Variants in HIVEP1 observed in about 807,000 individuals in gnomAD.
HIVEP1 encodes the protein zinc finger protein 40.
In HIVEP1, 36 loss-of-function variants were observed where a neutral mutation model predicts 180.0. The observed-to-expected ratio is 0.20, with a 90% CI of 0.15 to 0.26. The LOEUF (loss-of-function observed/expected upper bound fraction) is 0.26, where lower values mean the gene tolerates loss of function less well. Ranked by LOEUF, HIVEP1 falls within the 10% of genes least tolerant of loss-of-function variation. The pLI is 1.00. For synonymous variants in HIVEP1, 1,239 were observed against 1,239.0 expected (o/e 1.00, Z 0.00); for missense variants, 3,143 against 3,268.7 (o/e 0.96, Z 0.94).
Position 12,124,433 on chromosome 6 carries a change from A to T in HIVEP1, c.4638A>T (p.Leu1546Phe), listed in dbSNP as rs752198843. The change falls in exon 4 of 9, where the codon TTA becomes TTT. Residue 1546 changes from leucine (L) to phenylalanine (F), a missense_variant. Leu to Phe is a conservative substitution (Grantham distance 22). Coordinates refer to ENST00000379388, the MANE Select transcript of HIVEP1 (RefSeq NM_002114.4). ...QGSKPDKNSVLSGSSKSEDCF... is the reference protein window; with the variant it reads ...QGSKPDKNSVFSGSSKSEDCF... The stretch of plus-strand genomic sequence containing the variant: ...GCAAGCCAGATAAAAATTCTGTTTT[A>T]TCTGGGTCTTCTAAAAGTGAGGATT... 3 of 1,614,048 alleles carry T rather than the reference A, an allele frequency of 1.9e-6. No homozygotes were observed. In the African/African-American group the frequency reaches 4.0e-5, roughly 22 times the overall value.
At chr6:12,209,531 G>A in the HIVEP1 span, among the ~76,000 whole-genome samples, 1 of 152,196 alleles carries the variant, frequency 6.6e-6, no homozygotes, top group South Asian at 2.1e-4. Context: ...TAGAATGTAA[G>A]CTCCATGAAG....
At chr6:12,091,625 T>C (rs886667707) in intron 3 of HIVEP1, among the ~76,000 whole-genome samples, 2 of 152,178 alleles carry the variant, frequency 1.3e-5, no homozygotes, top group African/African-American at 4.8e-5. Flanking sequence ...AGAAACTGAC[T>C]TTGCCTATCA....
chr6:12,079,074 C>G (rs570762582), intron 2 of HIVEP1, among the ~76,000 whole-genome samples: 2 of 152,118 alleles, frequency 1.3e-5, no homozygotes, highest in Non-Finnish European at 2.9e-5. Context: ...ATGACTACCT[C>G]CTTCCATTCG....
At chr6:12,045,966 A>T (rs912918523) in intron 2 of HIVEP1, among the ~76,000 whole-genome samples, 1 of 152,132 alleles carries the variant, frequency 6.6e-6, no homozygotes, top group Admixed American at 6.6e-5. Context: ...AATACTTGAA[A>T]TTTTTTTGTG....
At chr6:12,030,499 T>C (rs915086896) in intron 2 of HIVEP1, among the ~76,000 whole-genome samples, 1 of 152,210 alleles carries the variant, frequency 6.6e-6, no homozygotes, top group African/African-American at 2.4e-5. Context: ...ATACTTTTCA[T>C]TGAGCTATCT....
chr6:12,079,397 T>C (rs1265195266), intron 2 of HIVEP1, among the ~76,000 whole-genome samples: 1 of 152,188 alleles, frequency 6.6e-6, no homozygotes, highest in Middle Eastern at 3.2e-3. Flanking sequence ...CTTTGGATTT[T>C]AGAGGTATAA....
chr6:12,117,676 A>G (rs958907161), intron 3 of HIVEP1, among the ~76,000 whole-genome samples: 3 of 152,254 alleles, frequency 2.0e-5, no homozygotes, highest in African/African-American at 7.2e-5. Flanking sequence ...AGAGCAAAAC[A>G]GGCATACCTA....
chr6:12,186,035 A>T, the HIVEP1 span, among the ~76,000 whole-genome samples: 5 of 152,192 alleles, frequency 3.3e-5, no homozygotes, highest in Non-Finnish European at 7.3e-5. Flanking sequence ...GCAAGTAAAA[A>T]TCTAAATGTT....
chr6:12,008,000 T>C (rs1767096723), upstream of HIVEP1: 1 of 152,068 alleles, frequency 6.6e-6, no homozygotes, highest in African/African-American at 2.4e-5. Flanking sequence ...GTAAGGCTGA[T>C]TGCTAGACAC....
the HIVEP1 span, among the ~76,000 whole-genome samples, chr6:12,177,815 G>A: frequency 1.3e-5 from 2 of 152,018 alleles, no homozygotes; most frequent in African/African-American, 2.4e-5. Flanking sequence ...TATGTCTCCC[G>A]TGTCAGTATT....
chr6:12,178,295 T>C, the HIVEP1 span, among the ~76,000 whole-genome samples: 1 of 152,236 alleles, frequency 6.6e-6, no homozygotes, highest in Non-Finnish European at 1.5e-5. Flanking sequence ...ATGTTCAAAC[T>C]GTGAGAATAA....
At chr6:12,188,721 T>C in the HIVEP1 span, among the ~76,000 whole-genome samples, 1 of 152,024 alleles carries the variant, frequency 6.6e-6, no homozygotes, top group Non-Finnish European at 1.5e-5. Flanking sequence ...TAGAATGGTA[T>C]GCCTTATTCC....
the HIVEP1 span, among the ~76,000 whole-genome samples, chr6:12,184,284 C>T: frequency 1.3e-5 from 2 of 152,096 alleles, no homozygotes; most frequent in African/African-American, 2.4e-5. Flanking sequence ...ATTTTGTACT[C>T]GGATCTGGAA....
chr6:12,029,905 A>G (rs1442089111), intron 2 of HIVEP1, among the ~76,000 whole-genome samples: 4 of 152,198 alleles, frequency 2.6e-5, no homozygotes, highest in South Asian at 2.1e-4. Context: ...CTCTTCTTCT[A>G]TGGATTCAGG....
At chr6:12,174,845 C>T in the HIVEP1 span, among the ~76,000 whole-genome samples, 5 of 151,942 alleles carry the variant, frequency 3.3e-5, no homozygotes, top group South Asian at 2.1e-4. Flanking sequence ...CTCTTCAGCA[C>T]GTAGAATACA....
chr6:12,157,709 A>G (rs1260978521), intron 7 of HIVEP1, among the ~76,000 whole-genome samples: 1 of 152,052 alleles, frequency 6.6e-6, no homozygotes, highest in African/African-American at 2.4e-5. Context: ...TTCTATTTTC[A>G]CTGCTCTTTG....
chr6:12,046,308 T>TA (rs914150784), intron 2 of HIVEP1, among the ~76,000 whole-genome samples: 2 of 152,244 alleles, frequency 1.3e-5, no homozygotes, highest in African/African-American at 4.8e-5. Flanking sequence ...ATTGAGTTCT[T>TA]ACTGCATTTC....
At chr6:12,066,574 A>G (rs938349402) in intron 2 of HIVEP1, among the ~76,000 whole-genome samples, 1 of 152,256 alleles carries the variant, frequency 6.6e-6, no homozygotes, top group East Asian at 1.9e-4. Flanking sequence ...GACTTAGCCA[A>G]GTACTTCCTT....
At chr6:12,165,617 C>G (rs1022426178), downstream of HIVEP1, among the ~76,000 whole-genome samples, 4 of 152,204 alleles carry the variant, frequency 2.6e-5, no homozygotes, top group African/African-American at 9.6e-5. Flanking sequence ...CCCCCAATTA[C>G]CAGTGCAGTG....
Sources: gnomAD v4.1 joint callset for allele counts (sites outside exome capture counted in the v4.1 genomes callset) on GRCh38, gnomAD v4.1.1 for gene constraint, MANE v1.5 for transcripts, NCBI Gene and HGNC (gene_info 2026-07-23, HGNC 2026-07-21) for gene names.